The following FOXP2 variants were observed in gnomAD, a reference collection of about 807,000 sequenced individuals.
FOXP2 encodes forkhead box protein P2.
FOXP2 carries 12 observed loss-of-function variants against 115.8 expected under a neutral mutation model. The observed-to-expected ratio is 0.10, with a 90% CI of 0.07 to 0.17. The LOEUF (loss-of-function observed/expected upper bound fraction) is 0.17. FOXP2 is among the 10% of genes least tolerant of loss of function. FOXP2 has a pLI of 1.00. For missense variants in FOXP2, 629 were observed against 843.5 expected, an observed-to-expected ratio of 0.75 and a Z score of 3.15; for synonymous variants, 328 against 297.7, an observed-to-expected ratio of 1.10 and a Z score of -1.05.
At chr7:114,385,317 T>C (rs768860555) in intron 2 of FOXP2, among the ~76,000 whole-genome samples, 4 of 152,074 alleles carry the variant, frequency 2.6e-5, no homozygotes, top group Non-Finnish European at 5.9e-5. Flanking sequence ...TCAGAGGAAG[T>C]AGATTCAGAG....
chr7:114,135,982 A>G (rs1792028031), intron 1 of FOXP2, among the ~76,000 whole-genome samples: 1 of 152,050 alleles, frequency 6.6e-6, no homozygotes, highest in Admixed American at 6.5e-5. Context: ...GTATACACCT[A>G]ATGTTCCTTC....
At chr7:114,302,469 T>C (rs1796901560) in intron 2 of FOXP2, among the ~76,000 whole-genome samples, 1 of 152,174 alleles carries the variant, frequency 6.6e-6, no homozygotes, top group Non-Finnish European at 1.5e-5. Context: ...TAAGAGGAGG[T>C]AATACTATCA....
chr7:114,223,477 A>AT (rs948589548), intron 1 of FOXP2, among the ~76,000 whole-genome samples: 8 of 147,476 alleles, frequency 5.4e-5, no homozygotes, highest in African/African-American at 2.0e-4. Context: ...AATTCTTTAT[A>AT]TATTATATAC....
intron 1 of FOXP2, among the ~76,000 whole-genome samples, chr7:114,226,877 A>G (rs1490012466): frequency 1.3e-5 from 2 of 152,090 alleles, no homozygotes; most frequent in African/African-American, 2.4e-5. Context: ...CTCAACCAAG[A>G]TAGAAATTCT....
At chr7:114,654,879 G>T (rs565139767) in intron 10 of FOXP2, among the ~76,000 whole-genome samples, 1 of 152,212 alleles carries the variant, frequency 6.6e-6, no homozygotes, top group South Asian at 2.1e-4. Context: ...GGAGGAGACA[G>T]AAGACGACTA....
intron 2 of FOXP2, among the ~76,000 whole-genome samples, chr7:114,376,161 A>G (rs1427454512): frequency 6.6e-6 from 1 of 152,212 alleles, no homozygotes; most frequent in African/African-American, 2.4e-5. Context: ...CTTTCTTTTA[A>G]TAGCACAACC....
chr7:114,271,829 G>T (rs1796059866), intron 1 of FOXP2, among the ~76,000 whole-genome samples: 1 of 117,688 alleles, frequency 8.5e-6, no homozygotes, highest in East Asian at 2.3e-4. Flanking sequence ...ATAAATATAT[G>T]AAATATATAA....
intron 2 of FOXP2, among the ~76,000 whole-genome samples, chr7:114,485,739 C>T (rs919263587): frequency 6.6e-6 from 1 of 152,072 alleles, no homozygotes; most frequent in Admixed American, 6.6e-5. Context: ...CTTATTTAAT[C>T]ATCTCATAAC....
At chr7:114,394,112 T>C (rs565792047) in intron 2 of FOXP2, among the ~76,000 whole-genome samples, 26 of 151,872 alleles carry the variant, frequency 1.7e-4, no homozygotes, top group Middle Eastern at 3.4e-3. Context: ...AGATCTTCCT[T>C]TCTAAATACC....
chr7:114,190,108 C>T (rs1390976158), intron 1 of FOXP2, among the ~76,000 whole-genome samples: 1 of 152,174 alleles, frequency 6.6e-6, no homozygotes, highest in Non-Finnish European at 1.5e-5. Flanking sequence ...CATCATGCTA[C>T]TCTTTCTATC....
chr7:114,376,386 T>G (rs1792137259), intron 2 of FOXP2, among the ~76,000 whole-genome samples: 1 of 152,252 alleles, frequency 6.6e-6, no homozygotes, highest in Non-Finnish European at 1.5e-5. Context: ...ATAGAAATGA[T>G]GATTTCACCT....
chr7:114,464,738 CATGGCTAT>C (rs1795731057), intron 2 of FOXP2, among the ~76,000 whole-genome samples: 1 of 152,176 alleles, frequency 6.6e-6, no homozygotes, highest in Non-Finnish European at 1.5e-5. Flanking sequence ...CAAAAATATT[CATGGCTAT>C]ATGGTAGTCC....
chr7:114,572,720 T>C (rs1338590650), intron 3 of FOXP2, among the ~76,000 whole-genome samples: 1 of 151,862 alleles, frequency 6.6e-6, no homozygotes, highest in Non-Finnish European at 1.5e-5. Context: ...GTTTGCTCTT[T>C]ATCTAAAACT....
intron 1 of FOXP2, among the ~76,000 whole-genome samples, chr7:114,423,856 T>G (rs1793723095): frequency 6.6e-6 from 1 of 151,504 alleles, no homozygotes. Flanking sequence ...GTGAACATAC[T>G]CCAAGCTTTT....
chr7:114,196,082 G>C (rs756295714), intron 1 of FOXP2, among the ~76,000 whole-genome samples: 6 of 152,056 alleles, frequency 3.9e-5, no homozygotes, highest in Non-Finnish European at 7.4e-5. Flanking sequence ...GCGTGATCTC[G>C]GCTCACTGTA....
chr7:114,382,300 A>G (rs553452798), intron 2 of FOXP2, among the ~76,000 whole-genome samples: 1 of 152,158 alleles, frequency 6.6e-6, no homozygotes, highest in Non-Finnish European at 1.5e-5. Context: ...TGTGAGGGTG[A>G]TGGCATGGGC....
intron 11 of FOXP2, among the ~76,000 whole-genome samples, 171 bp from the exon 12 acceptor site, chr7:114,659,185 G>A (rs920968088): frequency 6.6e-6 from 1 of 152,152 alleles, no homozygotes; most frequent in Admixed American, 6.5e-5. Flanking sequence ...TGCACTTCGC[G>A]TCAGAAATGG....
chr7:114,686,868 C>T (rs1808391835), intron 16 of FOXP2, among the ~76,000 whole-genome samples: 1 of 151,976 alleles, frequency 6.6e-6, no homozygotes. Flanking sequence ...CCGAACACTT[C>T]TGGAATAATG....
At chr7:114,458,350 G>T (rs1232929210) in intron 2 of FOXP2, among the ~76,000 whole-genome samples, 5 of 151,654 alleles carry the variant, frequency 3.3e-5, no homozygotes, top group African/African-American at 1.2e-4. Context: ...GTATTCCCAT[G>T]GGAGTAATGT....
Sources: allele counts gnomAD v4.1 joint callset (sites outside exome capture counted in the v4.1 genomes callset), GRCh38; gene constraint gnomAD v4.1.1; transcripts MANE v1.5; gene names NCBI Gene and HGNC (gene_info 2026-07-23, HGNC 2026-07-21).